The following CEP83 variants were observed in gnomAD, a reference collection of about 807,000 sequenced individuals.
The protein encoded by CEP83 is centrosomal protein 83.
CEP83 carries 70 observed loss-of-function variants against 101.9 expected under a neutral mutation model. The ratio of observed to expected loss-of-function variants is 0.69; its 90% CI spans 0.57 to 0.84. The LOEUF (loss-of-function observed/expected upper bound fraction) is 0.84. Ranked by LOEUF, CEP83 falls within the 40% of genes least tolerant of loss-of-function variation. The probability of loss-of-function intolerance (pLI) is 0.00; values close to 1 mark genes in which losing one functional copy is unlikely to be tolerated. For missense variants in CEP83, 715 were observed against 787.2 expected, an observed-to-expected ratio of 0.91 and a Z score of 1.10; for synonymous variants, 264 against 267.9, an observed-to-expected ratio of 0.99 and a Z score of 0.14.
the CEP83 span, among the ~76,000 whole-genome samples, chr12:94,292,665 TTA>T: frequency 2.0e-5 from 3 of 152,192 alleles, no homozygotes; most frequent in Non-Finnish European, 2.9e-5. Flanking sequence ...CAGAATTTAT[TTA>T]TGTTTCATAT....
chr12:94,355,531 A>G (rs1462009409), intron 11 of CEP83, among the ~76,000 whole-genome samples: 3 of 152,220 alleles, frequency 2.0e-5, no homozygotes, highest in Admixed American at 6.5e-5. Context: ...CAAAGCCCAA[A>G]GTTAGTAGAG....
intron 14 of CEP83, chr12:94,313,279 AT>A (rs1000316054): frequency 3.4e-5 from 8 of 234,516 alleles, no homozygotes; most frequent in African/African-American, 9.3e-5. Flanking sequence ...CAAAAAAAAA[AT>A]CTACAAAGGG....
chr12:94,392,582 A>G (rs2062618117), intron 6 of CEP83, among the ~76,000 whole-genome samples: 4 of 152,222 alleles, frequency 2.6e-5, no homozygotes. Flanking sequence ...TAAAAGAACT[A>G]GAGAAGCAAG....
At chr12:94,301,785 A>G (rs1273570946), downstream of CEP83, among the ~76,000 whole-genome samples, 1 of 152,166 alleles carries the variant, frequency 6.6e-6, no homozygotes, top group Non-Finnish European at 1.5e-5. Context: ...TATCAGCAGT[A>G]TTTCTGCAAA....
chr12:94,385,107 A>T (rs1440422263), intron 6 of CEP83, among the ~76,000 whole-genome samples: 1 of 152,106 alleles, frequency 6.6e-6, no homozygotes. Context: ...AGTAGTCCCG[A>T]TTCTCCACTC....
chr12:94,297,130 T>G, the CEP83 span: 2 of 1,565,672 alleles, frequency 1.3e-6, no homozygotes, highest in South Asian at 2.2e-5. Context: ...GAAGGCCGAT[T>G]AGCCCATGGT....
chr12:94,285,109 A>C, the CEP83 span, among the ~76,000 whole-genome samples: 1 of 139,272 alleles, frequency 7.2e-6, no homozygotes, highest in Non-Finnish European at 1.6e-5. Context: ...GGGGTCAAAG[A>C]TATCAGTTGG....
At chr12:94,385,093 A>AGGT (rs1163792582) in intron 6 of CEP83, among the ~76,000 whole-genome samples, 3 of 152,082 alleles carry the variant, frequency 2.0e-5, no homozygotes, top group Non-Finnish European at 4.4e-5. Flanking sequence ...TACCACGAGG[A>AGGT]GGTAGTAGTC....
chr12:94,450,818 C>T (rs2067195886), intron 1 of CEP83, among the ~76,000 whole-genome samples: 1 of 152,176 alleles, frequency 6.6e-6, no homozygotes, highest in African/African-American at 2.4e-5. Context: ...GCAAATCCTA[C>T]AAACATCAGA....
At chr12:94,384,805 C>T (rs1961780) in intron 6 of CEP83, among the ~76,000 whole-genome samples, 5 of 151,930 alleles carry the variant, frequency 3.3e-5, no homozygotes, top group African/African-American at 7.3e-5. Context: ...GTTTCAACCA[C>T]GTTTATAATT....
At chr12:94,294,569 G>T in the CEP83 span, 2 of 981,646 alleles carry the variant, frequency 2.0e-6, no homozygotes, top group Non-Finnish European at 3.2e-6. Flanking sequence ...TTAACCTTTT[G>T]TTCTCACCCA....
intron 2 of CEP83, among the ~76,000 whole-genome samples, chr12:94,429,815 G>A (rs1235624188): frequency 2.0e-5 from 3 of 152,082 alleles, no homozygotes; most frequent in African/African-American, 7.2e-5. Flanking sequence ...AACACAGGCT[G>A]CACCACCAGG....
intron 2 of CEP83, among the ~76,000 whole-genome samples, chr12:94,417,587 G>A (rs1158673704): frequency 6.6e-6 from 1 of 152,022 alleles, no homozygotes; most frequent in African/African-American, 2.4e-5. Context: ...TCAGGAGTTC[G>A]AGACCAGCCT....
Position 94,378,998 on chromosome 12 carries a change from C to T in CEP83, c.594G>A (p.Leu198=). Residue 198 remains leucine (L), a synonymous_variant, in exon 7 of 17, where the codon CTG becomes CTA. Coordinates refer to ENST00000397809, the MANE Select transcript of CEP83 (RefSeq NM_016122.3). ...EEDKEELRNQ[L]LNVDLTKDSK... Reference sequence around the variant, plus strand: ...TGTCTTTTGTGAGATCAACATTAAGCAGCTGGTTACGTAGTTCTTCTTTAT... The same window carrying T: ...TGTCTTTTGTGAGATCAACATTAAGTAGCTGGTTACGTAGTTCTTCTTTAT... 1 of 1,613,170 alleles carries T rather than the reference C, an allele frequency of 6.2e-7. No homozygotes were observed. The highest frequency in any genetic ancestry group is 2.2e-5 in the East Asian group (1 of 44,872).
chr12:94,291,102 T>G, the CEP83 span, among the ~76,000 whole-genome samples: 1 of 152,338 alleles, frequency 6.6e-6, no homozygotes, highest in Non-Finnish European at 1.5e-5. Context: ...TAGGGCCACT[T>G]GACCCTGGTT....
intron 8 of CEP83, among the ~76,000 whole-genome samples, chr12:94,372,816 T>G (rs1418056214): frequency 6.6e-6 from 1 of 152,250 alleles, no homozygotes; most frequent in Non-Finnish European, 1.5e-5. Flanking sequence ...TCAAGCAATT[T>G]ACCTGTCCTC....
chr12:94,424,806 T>C, intron 2 of CEP83: 2 of 1,606,988 alleles, frequency 1.2e-6, no homozygotes, highest in Non-Finnish European at 8.5e-7. Context: ...AGGTTGGTTT[T>C]GCTCAGCTGG....
At position 94,412,888 on chromosome 12, in the gene CEP83, G is replaced by T. The variant is rs555972094; in HGVS notation, c.-101-297C>A. Among the ~76,000 whole-genome samples the T allele has an allele frequency of 2.8e-4, 41 of 148,008 alleles. No homozygotes were observed. The South Asian group carries it at 8.5e-3, about 31-fold the overall frequency. On this transcript the variant is annotated intron_variant, in intron 2 of 16. Transcript: ENST00000397809. ...TTTTTTTTGAGACGGAGTCTCGCTC[G>T]TTCGCCCAGGCTGGAGTACAGTGGC...
At chr12:94,395,912 C>G (rs1482292728) in intron 6 of CEP83, among the ~76,000 whole-genome samples, 1 of 152,030 alleles carries the variant, frequency 6.6e-6, no homozygotes, top group African/African-American at 2.4e-5. Flanking sequence ...TCACCTGACA[C>G]ATAAAGCCAA....
Sources: allele counts gnomAD v4.1 joint callset (sites outside exome capture counted in the v4.1 genomes callset), GRCh38; gene constraint gnomAD v4.1.1; transcripts MANE v1.5; gene names NCBI Gene and HGNC (gene_info 2026-07-23, HGNC 2026-07-21).